GABRE: variants seen among roughly 807,000 people sequenced by gnomAD.
The protein encoded by GABRE is gamma-aminobutyric acid type A receptor subunit epsilon.
GABRE carries 20 observed loss-of-function variants against 31.0 expected under a neutral mutation model. The ratio of observed to expected loss-of-function variants is 0.64; its 90% CI spans 0.45 to 0.94. The LOEUF (loss-of-function observed/expected upper bound fraction) is 0.94, where lower values mean the gene tolerates loss of function less well. Among genes scored for constraint, GABRE ranks in the 40% least tolerant of loss-of-function variants. GABRE has a pLI of 0.00. For missense variants in GABRE, 420 were observed against 410.7 expected (o/e 1.02, Z -0.20); for synonymous variants, 155 against 150.6 (o/e 1.03, Z -0.21).
intron 3 of GABRE, among the ~76,000 whole-genome samples, chrX:151,963,375 A>T (rs1387668127): frequency 8.9e-6 from 1 of 112,523 alleles, no homozygotes; most frequent in African/African-American, 3.2e-5. Context: ...AGGATTGCAC[A>T]GTCAACTGAC....
At chrX:151,968,293 G>A (rs1376720252) in intron 3 of GABRE, among the ~76,000 whole-genome samples, 1 of 112,336 alleles carries the variant, frequency 8.9e-6, no homozygotes, top group African/African-American at 3.2e-5. Flanking sequence ...CTGAAACAGA[G>A]AACCCAGCTA....
chrX:151,958,976 C>A (rs1298300961), intron 6 of GABRE: 2 of 327,359 alleles, frequency 6.1e-6, no homozygotes, highest in Admixed American at 3.1e-5. Flanking sequence ...GGTAGCAGAA[C>A]AAGATGCCTC....
In GABRE at chrX:151,962,508, A is replaced by G. The variant is rs775089692; in HGVS notation, c.478T>C (p.Ser160Pro). The change falls in exon 4 of 9, where the codon TCT becomes CCT. Residue 160 changes from serine (S) to proline (P), a missense_variant. Coordinates refer to ENST00000370328, the MANE Select transcript of GABRE (RefSeq NM_004961.4). ...ATCTCATGCTCGTGGGTCCTCTTAG[A>G]ATTCCTAAAAAAGGTGTCCGGGATC... ...LWIPDTFFRN[S>P]KRTHEHEITM... 7.4e-6 allele frequency: 9 copies of G among 1,211,071 alleles called. No homozygotes were observed. Among genetic ancestry groups the G allele is most frequent in the Non-Finnish European group, 1.0e-5 (9 of 895,268 alleles).
chrX:151,969,586 A>G, intron 3 of GABRE, 83 bp downstream of exon 3: 3 of 939,980 alleles, frequency 3.2e-6, no homozygotes, highest in Non-Finnish European at 4.3e-6. Flanking sequence ...ACAGAAGTAC[A>G]GAGCAGAAAG....
At chrX:151,972,268 C>T (rs1438825496) in intron 1 of GABRE, 123 of 751,472 alleles carry the variant, frequency 1.6e-4, no homozygotes, top group Non-Finnish European at 1.9e-4. Flanking sequence ...CCATTGTGGG[C>T]GAGGGAAGAA....
At chrX:151,961,024 A>G (rs139325734) in intron 5 of GABRE, among the ~76,000 whole-genome samples, 3 of 111,312 alleles carry the variant, frequency 2.7e-5, no homozygotes, top group African/African-American at 6.5e-5. Flanking sequence ...GGAAGATAAC[A>G]AAGGCCTAAA....
At chrX:151,974,420 G>C in intron 1 of GABRE, 150 bp downstream of exon 1, 1 of 367,260 alleles carries the variant, frequency 2.7e-6, no homozygotes, top group Non-Finnish European at 4.6e-6. Context: ...TCGAGGGGAC[G>C]CGGGACTCGG....
intron 1 of GABRE, chrX:151,971,972 A>C: frequency 1.5e-6 from 1 of 657,763 alleles, no homozygotes; most frequent in Non-Finnish European, 1.8e-6. Context: ...GGGCCTGTTT[A>C]CTTGTGAAAA....
At chrX:151,969,905 G>A (rs1424530761) in intron 2 of GABRE, 169 bp from the exon 3 acceptor site, 19 of 1,076,607 alleles carry the variant, frequency 1.8e-5, no homozygotes, top group East Asian at 6.7e-5. Flanking sequence ...CCAAGCTCAC[G>A]GACTGTTAAG....
chrX:151,971,443 T>C (rs1934691621), intron 1 of GABRE: 4 of 203,486 alleles, frequency 2.0e-5, no homozygotes, highest in South Asian at 1.4e-4. Flanking sequence ...TAGGAGAGAT[T>C]TGAACACTGA....
rs1934145107 is a variant in GABRE at position 151,955,747 on chromosome X, A to G, written c.898T>C (p.Trp300Arg). The G allele has an allele frequency of 8.2e-7, 1 of 1,212,182 alleles. No homozygotes were observed. Among genetic ancestry groups the G allele is most frequent in the East Asian group, 3.0e-5 (1 of 33,841 alleles). ...GCTGGAGCAGACTCTGTCTTGATCC[A>G]AAAGGAAACCCAGGAGAGCATCGTG... ...VTTMLSWVSF[W>R]IKTESAPART... Residue 300 changes from tryptophan to arginine, a missense_variant, in exon 7 of 9, where the codon TGG (tryptophan) becomes CGG (arginine). Trp to Arg is a moderately radical substitution (Grantham distance 101). Coordinates refer to ENST00000370328, the MANE Select transcript of GABRE (RefSeq NM_004961.4).
chrX:151,962,763 T>C lies in GABRE; in HGVS notation c.343-120A>G, dbSNP rs1934423596. ...CCTAAAGGCAATGTGGTGGAATGCA[T>C]TGAGCACTAGACCAGGAAGCAGGAG... On this transcript the variant is annotated intron_variant, in intron 3 of 8. Coordinates refer to ENST00000370328, the MANE Select transcript of GABRE (RefSeq NM_004961.4). The C allele has an allele frequency of 8.8e-6, 5 of 569,249 alleles. No individual in the cohort carries two copies. The East Asian group carries it at 1.0e-4, about 12-fold the overall frequency. The allele number at this position is 569,249 out of a possible 1,213,427, so 46.9% of individuals were successfully genotyped here.
At chrX:151,966,474 GT>G (rs1934528667) in intron 3 of GABRE, among the ~76,000 whole-genome samples, 1 of 112,114 alleles carries the variant, frequency 8.9e-6, no homozygotes, top group East Asian at 2.8e-4. Context: ...CACCAACTAT[GT>G]ACCCAATGCT....
chrX:151,964,395 G>T (rs945087517), intron 3 of GABRE, among the ~76,000 whole-genome samples: 2 of 111,834 alleles, frequency 1.8e-5, no homozygotes, highest in African/African-American at 6.5e-5. Flanking sequence ...TTTGTACAGA[G>T]GAAGGTGGCA....
chrX:151,974,487 G>T lies in GABRE; in HGVS notation c.56+83C>A, dbSNP rs1396543467. 7 of 661,120 alleles carry T rather than the reference G, an allele frequency of 1.1e-5. No individual in the cohort carries two copies. In the African/African-American group the frequency reaches 1.7e-4, roughly 16 times the overall value. 54.5% of individuals were successfully genotyped at this position (661,120 alleles called of 1,213,427 possible). ...CGCGGGGCTCGAGGAACGCGGGGCC[G>T]CTGGGGTCCCGGGAGCCGTCCCGGC... On this transcript the variant is annotated intron_variant, in intron 1 of 8. Transcript: ENST00000370328.
At chrX:151,967,215 G>T (rs758047475) in intron 3 of GABRE, among the ~76,000 whole-genome samples, 2 of 112,293 alleles carry the variant, frequency 1.8e-5, no homozygotes, top group Non-Finnish European at 3.8e-5. Context: ...AGATTGACAT[G>T]CTAGAAAAGA....
intron 1 of GABRE, chrX:151,971,239 T>C: frequency 5.5e-6 from 2 of 363,693 alleles, no homozygotes; most frequent in Middle Eastern, 8.7e-4. Flanking sequence ...GATTTGGCTT[T>C]CTTTACACCG....
At position 151,961,383 on chromosome X, in the gene GABRE, GC is replaced by G. The variant is rs1170621381; in HGVS notation, c.564-19del. On this transcript the variant is annotated intron_variant, in intron 4 of 8. Coordinates refer to ENST00000370328, the MANE Select transcript of GABRE (RefSeq NM_004961.4). The stretch of plus-strand genomic sequence containing the variant: ...TGGTCATCCTGGAAGGGAGAAAGGA[GC>G]CTCATCAGGCTGGCCCTAAGCACTT... The G allele has an allele frequency of 3.5e-6, 4 of 1,127,771 alleles. No homozygotes were observed. The Admixed American group carries it at 8.8e-5, about 25-fold the overall frequency. The allele number at this position is 1,127,771 out of a possible 1,213,427, so 92.9% of individuals were successfully genotyped here.
At chrX:151,966,596 A>G (rs1934532108) in intron 3 of GABRE, among the ~76,000 whole-genome samples, 1 of 112,179 alleles carries the variant, frequency 8.9e-6, no homozygotes, top group African/African-American at 3.2e-5. Flanking sequence ...CAAGGAGACA[A>G]GAATGTACTG....
Sources: gnomAD v4.1 joint callset for allele counts (sites outside exome capture counted in the v4.1 genomes callset) on GRCh38, gnomAD v4.1.1 for gene constraint, MANE v1.5 for transcripts, NCBI Gene and HGNC (gene_info 2026-07-23, HGNC 2026-07-21) for gene names.